LRRC20: variants seen among roughly 807,000 people sequenced by gnomAD.
LRRC20 encodes leucine rich repeat containing 20.
A neutral mutation model predicts 14.4 loss-of-function variants in LRRC20; 11 were observed. The ratio of observed to expected loss-of-function variants is 0.77; its 90% CI spans 0.48 to 1.27. The LOEUF is 1.27. Ranked by LOEUF, LRRC20 falls within the 50% of genes most tolerant of loss-of-function variation. The pLI is 0.00. For synonymous variants in LRRC20, 121 were observed against 107.3 expected (o/e 1.13, Z -0.79); for missense variants, 219 against 251.2 (o/e 0.87, Z 0.87).
chr10:70,319,374 G>A (rs906344381), intron 4 of LRRC20, among the ~76,000 whole-genome samples: 8 of 152,138 alleles, frequency 5.3e-5, no homozygotes, highest in African/African-American at 1.7e-4. Flanking sequence ...CCCTACTGCC[G>A]CTGCATCCAC....
intron 4 of LRRC20, 54 bp downstream of exon 4, chr10:70,323,809 G>A: frequency 1.3e-6 from 2 of 1,594,430 alleles, no homozygotes; most frequent in Non-Finnish European, 1.7e-6. Context: ...GAGTCCTGTG[G>A]CCCATGAGCG....
At position 70,317,514 on chromosome 10, in the gene LRRC20, G is replaced by C. The variant is rs563461950; in HGVS notation, c.400+6349C>G. On this transcript the variant is annotated intron_variant, in intron 4 of 4. Transcript: ENST00000446961. ...AGTCTCCTGAGTAGCTGGGACTACA[G>C]GTATGCACCACCATGCCTGGCTAAT... is the stretch of plus-strand genomic sequence containing the variant. Among the ~76,000 whole-genome samples, 4 of 152,246 alleles carry C rather than the reference G, an allele frequency of 2.6e-5. No homozygotes were observed. In the South Asian group the frequency reaches 8.3e-4, roughly 32 times the overall value.
rs1196151604 is a variant in LRRC20, at chr10:70,299,904, A to T, written c.*1450T>A. 3.3e-5 allele frequency: 5 copies of T among 152,274 alleles called. No homozygotes were observed. The highest frequency in any genetic ancestry group is 1.2e-4 in the African/African-American group (5 of 41,422). The allele number at this position is 152,274 out of a possible 1,614,324, so 9.4% of individuals were successfully genotyped here. The stretch of plus-strand genomic sequence containing the variant: ...CGACCTATCAGTTCCTTCCCAAGAG[A>T]CAAGAGACCTGGGCAGGGACGAGGG... On this transcript the variant is annotated 3_prime_UTR_variant, in exon 5 of 5. Coordinates refer to ENST00000446961, the MANE Select transcript of LRRC20 (RefSeq NM_001278212.2).
intron 4 of LRRC20, among the ~76,000 whole-genome samples, chr10:70,302,267 C>A (rs192142994): frequency 6.6e-6 from 1 of 152,074 alleles, no homozygotes; most frequent in Non-Finnish European, 1.5e-5. Flanking sequence ...GAGGGGAAAT[C>A]GCACCACTGC....
intron 3 of LRRC20, among the ~76,000 whole-genome samples, chr10:70,336,919 A>G (rs1237097485): frequency 6.6e-6 from 1 of 152,242 alleles, no homozygotes; most frequent in East Asian, 1.9e-4. Flanking sequence ...GAAGAGCCAC[A>G]GCAGGACATG....
intron 2 of LRRC20, among the ~76,000 whole-genome samples, chr10:70,371,512 G>A (rs1482250573): frequency 1.3e-5 from 2 of 152,044 alleles, no homozygotes; most frequent in Non-Finnish European, 2.9e-5. Flanking sequence ...TGCAGAGCCA[G>A]GAGCCTAAGA....
At chr10:70,362,294 G>C (rs919291036) in intron 2 of LRRC20, among the ~76,000 whole-genome samples, 2 of 152,258 alleles carry the variant, frequency 1.3e-5, no homozygotes, top group African/African-American at 4.8e-5. Context: ...GCAAAGGCCT[G>C]TGGCTAGAAA....
intron 3 of LRRC20, among the ~76,000 whole-genome samples, chr10:70,329,007 C>T (rs1432687667): frequency 1.3e-5 from 2 of 152,118 alleles, no homozygotes; most frequent in African/African-American, 2.4e-5. Flanking sequence ...TAGCAGGAAT[C>T]AAAAGGGAAA....
chr10:70,372,023 G>A (rs933391205), intron 2 of LRRC20, among the ~76,000 whole-genome samples: 2 of 152,084 alleles, frequency 1.3e-5, no homozygotes, highest in African/African-American at 4.8e-5. Context: ...AGTCTCTACA[G>A]GGGATCTCCC....
At chr10:70,331,182 C>G (rs1408857170) in intron 3 of LRRC20, among the ~76,000 whole-genome samples, 2 of 152,218 alleles carry the variant, frequency 1.3e-5, no homozygotes, top group African/African-American at 4.8e-5. Context: ...CTAAGCCCCC[C>G]AGTGTCTTCA....
chr10:70,362,414 T>C (rs978882045), intron 2 of LRRC20, among the ~76,000 whole-genome samples: 1 of 152,220 alleles, frequency 6.6e-6, no homozygotes, highest in Non-Finnish European at 1.5e-5. Flanking sequence ...TCCACAGCTT[T>C]GTGGTATGAT....
chr10:70,354,840 A>T (rs150487685), intron 2 of LRRC20, among the ~76,000 whole-genome samples: 4 of 152,280 alleles, frequency 2.6e-5, no homozygotes, highest in African/African-American at 9.6e-5. Flanking sequence ...TCAGAGGCAC[A>T]CGTGACCCTC....
chr10:70,379,956 T>A, intron 1 of LRRC20, among the ~76,000 whole-genome samples: 1 of 152,110 alleles, frequency 6.6e-6, no homozygotes, highest in Admixed American at 6.5e-5. Flanking sequence ...GGGTTCAGGC[T>A]CCTAGGAGAA....
intron 2 of LRRC20, among the ~76,000 whole-genome samples, chr10:70,346,937 G>A (rs1319432400): frequency 1.3e-5 from 2 of 152,260 alleles, no homozygotes; most frequent in East Asian, 3.9e-4. Context: ...CCAGGCTGGA[G>A]GGCAGTGGCG....
At chr10:70,343,410 C>T (rs1468734048) in intron 2 of LRRC20, among the ~76,000 whole-genome samples, 2 of 152,204 alleles carry the variant, frequency 1.3e-5, no homozygotes, top group African/African-American at 4.8e-5. Context: ...CAGGGCTCCT[C>T]TGCCAGGCAG....
intron 2 of LRRC20, among the ~76,000 whole-genome samples, chr10:70,367,879 C>A (rs118017757): frequency 6.6e-6 from 1 of 150,880 alleles, no homozygotes; most frequent in Non-Finnish European, 1.5e-5. Context: ...ATCTGGGAGG[C>A]CTGCTAAAAT....
At chr10:70,339,608 A>G (rs1403959361) in intron 3 of LRRC20, among the ~76,000 whole-genome samples, 1 of 152,172 alleles carries the variant, frequency 6.6e-6, no homozygotes, top group Non-Finnish European at 1.5e-5. Flanking sequence ...CCCATGCCAC[A>G]GCTCTGTCAC....
chr10:70,330,026 G>T (rs998921495), intron 3 of LRRC20, among the ~76,000 whole-genome samples: 1 of 152,130 alleles, frequency 6.6e-6, no homozygotes, highest in African/African-American at 2.4e-5. Flanking sequence ...TTCCATCTGT[G>T]TTCTTGGGAG....
chr10:70,380,318 C>T (rs184106142), intron 1 of LRRC20, among the ~76,000 whole-genome samples: 2 of 152,184 alleles, frequency 1.3e-5, no homozygotes, highest in Non-Finnish European at 2.9e-5. Flanking sequence ...GTGCTCGGGA[C>T]CCCCAAAAGG....
Sources: allele counts gnomAD v4.1 joint callset (sites outside exome capture counted in the v4.1 genomes callset), GRCh38; gene constraint gnomAD v4.1.1; transcripts MANE v1.5; gene names NCBI Gene and HGNC (gene_info 2026-07-23, HGNC 2026-07-21).